TRPM3: variants seen among roughly 807,000 people sequenced by gnomAD.
TRPM3 encodes the protein long transient receptor potential channel 3.
A neutral mutation model predicts 181.2 loss-of-function variants in TRPM3; 77 were observed. That is an observed-to-expected ratio of 0.42 (90% confidence interval 0.35 to 0.51). The LOEUF is 0.51. Among genes scored for constraint, TRPM3 ranks in the 20% least tolerant of loss-of-function variants. The pLI is 0.01. For synonymous variants in TRPM3, 745 were observed against 796.4 expected (o/e 0.94, Z 1.09); for missense variants, 1,759 against 2,196.7 (o/e 0.80, Z 3.98).
At chr9:71,075,533 T>C (rs1817609511) in intron 1 of TRPM3, among the ~76,000 whole-genome samples, 1 of 152,160 alleles carries the variant, frequency 6.6e-6, no homozygotes, top group African/African-American at 2.4e-5. Context: ...AACTATCCCC[T>C]CTCCTGTGCT....
At chr9:70,801,614 C>A (rs2089085926) in intron 6 of TRPM3, among the ~76,000 whole-genome samples, 1 of 151,958 alleles carries the variant, frequency 6.6e-6, no homozygotes, top group Admixed American at 6.6e-5. Flanking sequence ...GATGATGAGG[C>A]ATCAGGAGAC....
chr9:71,347,369 T>C (rs932428835), intron 1 of TRPM3, among the ~76,000 whole-genome samples: 2 of 152,228 alleles, frequency 1.3e-5, no homozygotes, highest in African/African-American at 4.8e-5. Context: ...TTTCTTGTTT[T>C]GTTTTCTGAC....
At chr9:70,943,738 C>T (rs929340689) in intron 1 of TRPM3, among the ~76,000 whole-genome samples, 8 of 152,112 alleles carry the variant, frequency 5.3e-5, no homozygotes, top group African/African-American at 1.9e-4. Context: ...ACCTGAATAA[C>T]AATTTTAATA....
At chr9:70,966,149 T>C (rs2097183564) in intron 1 of TRPM3, among the ~76,000 whole-genome samples, 1 of 150,112 alleles carries the variant, frequency 6.7e-6, no homozygotes, top group Non-Finnish European at 1.5e-5. Flanking sequence ...GAAAAAAAGC[T>C]CAACATTACT....
Position 70,623,948 on chromosome 9 carries a change from C to T in TRPM3, c.1809+1243G>A, listed in dbSNP as rs936205809. Among the ~76,000 whole-genome samples the T allele has an allele frequency of 2.7e-5, 4 of 150,394 alleles. No homozygotes were observed. In the East Asian group the frequency reaches 7.9e-4, roughly 30 times the overall value. On this transcript the variant is annotated intron_variant, in intron 14 of 25. Transcript: ENST00000677713. Reference sequence around the variant, plus strand: ...AGGTTATGTAGACTTGGACCTTTGGCAGATGTTTTTGGAATGACCAAAGTG... The same window carrying T: ...AGGTTATGTAGACTTGGACCTTTGGTAGATGTTTTTGGAATGACCAAAGTG...
At chr9:70,829,478 A>C (rs1564485492) in intron 5 of TRPM3, among the ~76,000 whole-genome samples, 1 of 152,184 alleles carries the variant, frequency 6.6e-6, no homozygotes, top group Non-Finnish European at 1.5e-5. Context: ...GATTGATCTC[A>C]TTTAAATATA....
At chr9:71,331,329 C>G (rs2090091762) in intron 1 of TRPM3, among the ~76,000 whole-genome samples, 1 of 151,764 alleles carries the variant, frequency 6.6e-6, no homozygotes, top group South Asian at 2.1e-4. Context: ...ATAAGATAAA[C>G]TAGCCACACA....
Position 70,618,879 on chromosome 9 carries a change from G to T in TRPM3, c.2346C>A (p.Asn782Lys). The T allele has an allele frequency of 6.2e-7, 1 of 1,606,412 alleles. No homozygotes were observed. ...TGGGCGCCCTGACCTTGAGGCCTGAGTTCTTGCGCATGCGGAGCCGGCCCA... is the reference window on the plus strand; with the variant it reads ...TGGGCGCCCTGACCTTGAGGCCTGATTTCTTGCGCATGCGGAGCCGGCCCA... ...MWMGRLRMRK[N>K]SGLKVILGIL... The change falls in exon 17 of 26, where the codon AAC becomes AAA. Residue 782 changes from asparagine (N) to lysine (K), a missense_variant. Physicochemically the swap from Asn to Lys is moderately conservative, Grantham distance 94. Around this residue, in one of 8 missense-constraint regions of TRPM3, gnomAD observed 114 missense variants for 134.8 expected, o/e 0.85. Coordinates refer to ENST00000677713, the MANE Select transcript of TRPM3 (RefSeq NM_001366145.2).
Position 70,549,690 on chromosome 9 carries a change from AAAAGG to A in TRPM3, c.3575-21_3575-17del. 6.3e-7 allele frequency: 1 copy of A among 1,582,972 alleles called. No individual in the cohort carries two copies. Among genetic ancestry groups the A allele is most frequent in the Admixed American group, 1.9e-5 (1 of 53,976 alleles). On this transcript the variant is annotated splice_polypyrimidine_tract_variant and intron_variant, in intron 24 of 25. Transcript: ENST00000677713. ...ATGAAGAGTTCTGTGGAAAAAAAAA[AAAAGG>A]AAGTCTTGAGGGAGAGAAGTAAAAG...
intron 1 of TRPM3, among the ~76,000 whole-genome samples, chr9:71,264,216 C>T (rs2083239848): frequency 6.6e-6 from 1 of 152,104 alleles, no homozygotes; most frequent in African/African-American, 2.4e-5. Flanking sequence ...GTAACACACA[C>T]ACCCCACAAA....
Position 70,604,391 on chromosome 9 carries a change from C to T in TRPM3, c.2668-921G>A, listed in dbSNP as rs889874842. On this transcript the variant is annotated intron_variant, in intron 19 of 25. Transcript: ENST00000677713. ...GCAGACTAGCTGGGCCTTCCTTACA[C>T]AATGCCTCAAGTCAAGTGAGGTACT... is the stretch of plus-strand genomic sequence containing the variant. 2.3e-4 allele frequency among the ~76,000 whole-genome samples: 35 copies of T among 152,228 alleles called. 1 individual carries two copies. Among genetic ancestry groups the T allele is most frequent in the Non-Finnish European group, 1.5e-5 (1 of 68,046 alleles).
At chr9:70,603,235 C>T (rs1172994026) in intron 20 of TRPM3, 107 bp downstream of exon 20, 3 of 1,372,082 alleles carry the variant, frequency 2.2e-6, no homozygotes, top group Middle Eastern at 2.0e-4. Flanking sequence ...TTAGAGAAAA[C>T]AGTTTCCGGC....
At chr9:70,627,265 C>CTTTGTTT (rs2064824367) in intron 12 of TRPM3, among the ~76,000 whole-genome samples, 1 of 79,544 alleles carries the variant, frequency 1.3e-5, no homozygotes, top group Non-Finnish European at 2.3e-5. Context: ...TCCATTGCTG[C>CTTTGTTT]TTTTTTTTTT....
chr9:71,048,360 A>C (rs2059697445), intron 1 of TRPM3, among the ~76,000 whole-genome samples: 1 of 152,220 alleles, frequency 6.6e-6, no homozygotes, highest in South Asian at 2.1e-4. Context: ...GAATTCAGTA[A>C]CCCCTCTAAT....
At chr9:71,430,308 C>T (rs1404679951) in intron 1 of TRPM3, among the ~76,000 whole-genome samples, 1 of 152,112 alleles carries the variant, frequency 6.6e-6, no homozygotes, top group Non-Finnish European at 1.5e-5. Flanking sequence ...ATTCATTTTC[C>T]CTCCTCTTCT....
chr9:71,106,456 G>C (rs1453457527), intron 1 of TRPM3, among the ~76,000 whole-genome samples: 1 of 151,916 alleles, frequency 6.6e-6, no homozygotes, highest in Admixed American at 6.6e-5. Flanking sequence ...TCACTTTCTT[G>C]CTCCCTCTCT....
intron 8 of TRPM3, among the ~76,000 whole-genome samples, chr9:70,744,811 C>A (rs2074849692): frequency 6.6e-6 from 1 of 152,118 alleles, no homozygotes; most frequent in Admixed American, 6.6e-5. Flanking sequence ...TGGGCTCCTA[C>A]TTTACCGTCA....
At chr9:71,008,800 A>G (rs948285608) in intron 1 of TRPM3, among the ~76,000 whole-genome samples, 11 of 152,224 alleles carry the variant, frequency 7.2e-5, no homozygotes, top group Admixed American at 6.5e-5. Flanking sequence ...AGCCAAGATC[A>G]CGCCACTGAA....
intron 1 of TRPM3, among the ~76,000 whole-genome samples, chr9:71,305,541 T>G (rs930507131): frequency 6.6e-6 from 1 of 152,086 alleles, no homozygotes; most frequent in Non-Finnish European, 1.5e-5. Flanking sequence ...AAAGACAGAG[T>G]TCTGACTAGA....
Sources: allele counts gnomAD v4.1 joint callset (sites outside exome capture counted in the v4.1 genomes callset), GRCh38; gene constraint gnomAD v4.1.1; regional missense constraint gnomAD v4.1.1; transcripts MANE v1.5; gene names NCBI Gene and HGNC (gene_info 2026-07-23, HGNC 2026-07-21).